Variants in GSG1L observed in about 807,000 individuals in gnomAD.
The protein encoded by GSG1L is GSG1 like, also known as germ cell-specific gene 1-like protein.
In GSG1L, 24 loss-of-function variants were observed where a neutral mutation model predicts 42.1. The observed-to-expected ratio is 0.57, with a 90% CI of 0.41 to 0.80. GSG1L has a LOEUF of 0.80. GSG1L is among the 30% of genes least tolerant of loss of function. The pLI, the probability that GSG1L is intolerant of heterozygous loss-of-function variation, is 0.00. For missense variants in GSG1L, 445 were observed against 472.2 expected (o/e 0.94, Z 0.53); for synonymous variants, 215 against 203.5 (o/e 1.06, Z -0.48).
intron 1 of GSG1L, among the ~76,000 whole-genome samples, chr16:28,056,180 T>C (rs1241230840): frequency 6.6e-6 from 1 of 152,068 alleles, no homozygotes; most frequent in Non-Finnish European, 1.5e-5. Flanking sequence ...GGCGTGTTTA[T>C]TGCAGCACTA....
chr16:28,054,302 C>T (rs928165576), intron 1 of GSG1L, among the ~76,000 whole-genome samples: 4 of 152,206 alleles, frequency 2.6e-5, no homozygotes, highest in African/African-American at 9.7e-5. Flanking sequence ...GGAAGAAGGA[C>T]GGCCCCTGAG....
intron 2 of GSG1L, among the ~76,000 whole-genome samples, chr16:27,916,115 C>T (rs7187265): frequency 6.6e-6 from 1 of 151,876 alleles, no homozygotes; most frequent in African/African-American, 2.4e-5. Flanking sequence ...CCTGAGACAC[C>T]CAATGAGGAA....
intron 2 of GSG1L, among the ~76,000 whole-genome samples, chr16:27,888,422 T>C (rs1032712913): frequency 5.1e-4 from 10 of 19,558 alleles, no homozygotes; most frequent in Non-Finnish European, 1.7e-3. Flanking sequence ...CTTTCTTTCT[T>C]TCTTTCTTTC....
chr16:28,060,940 A>G (rs928373716), intron 1 of GSG1L, among the ~76,000 whole-genome samples: 2 of 152,378 alleles, frequency 1.3e-5, no homozygotes, highest in East Asian at 1.9e-4. Context: ...TAATTGTAGC[A>G]AGTACTGGGA....
At chr16:27,830,329 A>G (rs1165388452) in intron 4 of GSG1L, among the ~76,000 whole-genome samples, 1 of 151,758 alleles carries the variant, frequency 6.6e-6, no homozygotes, top group Non-Finnish European at 1.5e-5. Flanking sequence ...CTGCCAGCCC[A>G]CCCAGCTGGT....
chr16:27,934,032 G>A (rs11861542), intron 2 of GSG1L, among the ~76,000 whole-genome samples: 98,993 of 152,100 alleles, frequency 0.65, 32,966 homozygotes, highest in South Asian at 0.75. Flanking sequence ...TTAAAGAGGC[G>A]TTGATGAGAA....
intron 3 of GSG1L, among the ~76,000 whole-genome samples, chr16:27,849,196 CCAAAAAG>C: frequency 1.4e-5 from 1 of 72,928 alleles, no homozygotes. Flanking sequence ...AGCCTCTATC[CCAAAAAG>C]AAAAAAAAAA....
intron 6 of GSG1L, among the ~76,000 whole-genome samples, chr16:27,803,507 A>G (rs1022214027): frequency 2.6e-5 from 4 of 151,942 alleles, no homozygotes; most frequent in Non-Finnish European, 5.9e-5. Context: ...GTGTTCAATC[A>G]TCAAAATAAA....
At chr16:27,938,930 C>T (rs543771885) in intron 2 of GSG1L, among the ~76,000 whole-genome samples, 1 of 152,178 alleles carries the variant, frequency 6.6e-6, no homozygotes, top group East Asian at 1.9e-4. Context: ...TCCAGCCTCC[C>T]AACATGAACA....
At chr16:28,019,344 C>T (rs1471854143) in intron 1 of GSG1L, among the ~76,000 whole-genome samples, 1 of 152,186 alleles carries the variant, frequency 6.6e-6, no homozygotes, top group Admixed American at 6.5e-5. Context: ...CATTAGCATG[C>T]TAAGAGACAC....
chr16:27,972,717 A>G (rs997990366), intron 1 of GSG1L, among the ~76,000 whole-genome samples: 4 of 152,180 alleles, frequency 2.6e-5, no homozygotes, highest in African/African-American at 9.7e-5. Context: ...GTGATTCTTA[A>G]CCCCGGAAAT....
At chr16:28,057,167 T>C (rs1047677160) in intron 1 of GSG1L, among the ~76,000 whole-genome samples, 1 of 152,032 alleles carries the variant, frequency 6.6e-6, no homozygotes, top group Non-Finnish European at 1.5e-5. Flanking sequence ...CGACTGTGAC[T>C]GAGTGAGGAA....
intron 2 of GSG1L, among the ~76,000 whole-genome samples, chr16:27,958,421 A>AAG (rs1454787091): frequency 6.6e-6 from 1 of 151,176 alleles, no homozygotes; most frequent in East Asian, 1.9e-4. Context: ...TAAAAAAAAA[A>AAG]AAAAAAGAAA....
At chr16:27,978,325 C>T (rs1299765213) in intron 1 of GSG1L, among the ~76,000 whole-genome samples, 2 of 152,154 alleles carry the variant, frequency 1.3e-5, no homozygotes, top group African/African-American at 4.8e-5. Flanking sequence ...GCACCAGGGT[C>T]ACCAGGAAGC....
Position 27,851,845 on chromosome 16 carries a change from C to G in GSG1L, c.551-6784G>C, listed in dbSNP as rs184289887. ...GAGATGCCACGAATCATCTTTTGCT[C>G]AATCACTGGGGAGAGGGGTGGCAGG... On this transcript the variant is annotated intron_variant, in intron 3 of 6. Transcript: ENST00000447459. Among the ~76,000 whole-genome samples the G allele has an allele frequency of 1.2e-3, 177 of 152,304 alleles. 1 individual carries two copies. Among genetic ancestry groups the G allele is most frequent in the African/African-American group, 4.1e-3 (170 of 41,574 alleles).
At chr16:27,949,920 G>A (rs577035861) in intron 2 of GSG1L, among the ~76,000 whole-genome samples, 269 of 152,010 alleles carry the variant, frequency 1.8e-3, no homozygotes, top group Non-Finnish European at 2.9e-3. Flanking sequence ...GTGAGACTCC[G>A]TCTCAAAACA....
At chr16:27,874,000 C>G (rs2083854917) in intron 3 of GSG1L, among the ~76,000 whole-genome samples, 1 of 152,172 alleles carries the variant, frequency 6.6e-6, no homozygotes, top group African/African-American at 2.4e-5. Flanking sequence ...GTCAATGGCT[C>G]TAGTTGCCCC....
intron 1 of GSG1L, among the ~76,000 whole-genome samples, chr16:28,054,280 C>T (rs1212673565): frequency 6.6e-6 from 1 of 152,222 alleles, no homozygotes; most frequent in Non-Finnish European, 1.5e-5. Flanking sequence ...CATCCCCAGT[C>T]CCCACCATCG....
chr16:27,852,806 G>A (rs60232175), intron 3 of GSG1L, among the ~76,000 whole-genome samples: 1,768 of 152,296 alleles, frequency 0.012, 37 homozygotes, highest in African/African-American at 0.041. Context: ...GAGAACAGGC[G>A]AGAGGAGCAG....
Sources: gnomAD v4.1 joint callset for allele counts (sites outside exome capture counted in the v4.1 genomes callset) on GRCh38, gnomAD v4.1.1 for gene constraint, MANE v1.5 for transcripts, NCBI Gene and HGNC (gene_info 2026-07-23, HGNC 2026-07-21) for gene names.